SNTG1: variants seen among roughly 807,000 people sequenced by gnomAD.
SNTG1 encodes the protein syntrophin gamma 1, also known as gamma-1-syntrophin.
Under a neutral mutation model 74.7 loss-of-function variants are expected in SNTG1, and 39 were observed. The ratio of observed to expected loss-of-function variants is 0.52; its 90% CI spans 0.40 to 0.68. The LOEUF is 0.68. Among genes scored for constraint, SNTG1 ranks in the 30% least tolerant of loss-of-function variants. The probability of loss-of-function intolerance (pLI) is 0.00; values close to 1 mark genes in which losing one functional copy is unlikely to be tolerated. For synonymous variants in SNTG1, 254 were observed against 217.1 expected (o/e 1.17, Z -1.49); for missense variants, 685 against 609.5 (o/e 1.12, Z -1.30).
chr8:50,389,523 A>G (rs139941860), intron 2 of SNTG1, among the ~76,000 whole-genome samples: 49 of 152,298 alleles, frequency 3.2e-4, no homozygotes, highest in African/African-American at 1.2e-3. Context: ...TTGCTATTGT[A>G]AATAATGCCA....
intron 2 of SNTG1, among the ~76,000 whole-genome samples, chr8:50,312,533 C>T (rs2090154822): frequency 6.8e-6 from 1 of 146,072 alleles, no homozygotes; most frequent in African/African-American, 2.7e-5. Context: ...CTTCAGCTGC[C>T]TCAAGGAGGA....
intron 13 of SNTG1, among the ~76,000 whole-genome samples, chr8:50,655,421 A>T (rs1025977804): frequency 7.2e-5 from 11 of 152,216 alleles, no homozygotes; most frequent in African/African-American, 2.4e-5. Context: ...TGTTATTATT[A>T]ACCAGTGAAG....
intron 1 of SNTG1, among the ~76,000 whole-genome samples, chr8:50,089,486 A>C (rs2079629940): frequency 6.6e-6 from 1 of 151,922 alleles, no homozygotes; most frequent in Admixed American, 6.6e-5. Flanking sequence ...AAAATGGGAG[A>C]AAATTTTTGC....
At chr8:50,375,414 C>T (rs1385879026) in intron 2 of SNTG1, among the ~76,000 whole-genome samples, 2 of 151,520 alleles carry the variant, frequency 1.3e-5, no homozygotes, top group African/African-American at 2.4e-5. Context: ...TACAGAGGAG[C>T]CAAGCAGAAG....
chr8:50,563,691 T>A (rs1276855278), intron 12 of SNTG1, among the ~76,000 whole-genome samples: 1 of 152,184 alleles, frequency 6.6e-6, no homozygotes, highest in Non-Finnish European at 1.5e-5. Flanking sequence ...AGCACATATC[T>A]AGTTGCAAAT....
chr8:50,486,198 A>T (rs1389002968), intron 8 of SNTG1, among the ~76,000 whole-genome samples: 1 of 150,960 alleles, frequency 6.6e-6, no homozygotes, highest in Admixed American at 6.6e-5. Context: ...AGTCATTGGT[A>T]GCTTGATGGG....
intron 8 of SNTG1, among the ~76,000 whole-genome samples, chr8:50,454,050 T>C (rs1257368636): frequency 6.6e-6 from 1 of 152,204 alleles, no homozygotes; most frequent in African/African-American, 2.4e-5. Context: ...CCAAAGCCCA[T>C]CAAGGAAAAT....
intron 4 of SNTG1, among the ~76,000 whole-genome samples, chr8:50,427,342 G>A (rs1238646843): frequency 6.6e-6 from 1 of 152,082 alleles, no homozygotes; most frequent in Non-Finnish European, 1.5e-5. Context: ...TTTACAAATG[G>A]TATGAATCTG....
intron 2 of SNTG1, among the ~76,000 whole-genome samples, chr8:50,378,282 C>G (rs1297289875): frequency 1.3e-5 from 2 of 152,210 alleles, no homozygotes; most frequent in Non-Finnish European, 2.9e-5. Context: ...TTGCAGAACA[C>G]AGTGGCACCC....
At position 49,948,070 on chromosome 8, in the gene SNTG1, G is replaced by A. The variant is rs566898352; in HGVS notation, c.-103+35839G>A. Among the ~76,000 whole-genome samples, 6 of 152,210 alleles carry A rather than the reference G, an allele frequency of 3.9e-5. No individual in the cohort carries two copies. The South Asian group carries it at 1.2e-3, about 32-fold the overall frequency. ...TGCTTGAGCCTGGGAAGCAGAGGTT[G>A]CAGTGAGCTGAGATCTTGCCACTGC... On this transcript the variant is annotated intron_variant, in intron 1 of 18. Transcript: ENST00000642720.
At chr8:50,003,147 A>G (rs974538337) in intron 1 of SNTG1, among the ~76,000 whole-genome samples, 9 of 152,150 alleles carry the variant, frequency 5.9e-5, no homozygotes, top group African/African-American at 1.9e-4. Flanking sequence ...TGGGGTGATA[A>G]AAATGTTCTG....
chr8:50,573,040 A>T (rs1046331314), intron 12 of SNTG1, among the ~76,000 whole-genome samples: 1 of 152,124 alleles, frequency 6.6e-6, no homozygotes, highest in Non-Finnish European at 1.5e-5. Context: ...GCTGGAAATT[A>T]AAAAATTGGT....
intron 8 of SNTG1, among the ~76,000 whole-genome samples, chr8:50,484,141 T>TTTCTTTCTTTCC (rs1554542598): frequency 2.3e-4 from 21 of 92,852 alleles, no homozygotes; most frequent in Admixed American, 7.6e-4. Context: ...TCTTTCCTTC[T>TTTCTTTCTTTCC]TTCTTTCTTT....
At chr8:50,484,834 G>A (rs1390764934) in intron 8 of SNTG1, among the ~76,000 whole-genome samples, 4 of 151,096 alleles carry the variant, frequency 2.6e-5, no homozygotes, top group Non-Finnish European at 5.9e-5. Context: ...ACTCCAACCT[G>A]GGCAACAAGA....
At chr8:50,110,373 C>G (rs146194922) in intron 1 of SNTG1, among the ~76,000 whole-genome samples, 1 of 152,256 alleles carries the variant, frequency 6.6e-6, no homozygotes, top group African/African-American at 2.4e-5. Context: ...TCAGCCTACT[C>G]TAACACAGGT....
At chr8:50,000,856 G>C (rs1029543567) in intron 1 of SNTG1, among the ~76,000 whole-genome samples, 2 of 152,130 alleles carry the variant, frequency 1.3e-5, no homozygotes, top group African/African-American at 4.8e-5. Flanking sequence ...GTTTATTTTA[G>C]GAGAACAAGT....
chr8:50,606,847 T>C (rs1366876063), intron 13 of SNTG1, among the ~76,000 whole-genome samples: 1 of 151,904 alleles, frequency 6.6e-6, no homozygotes, highest in Non-Finnish European at 1.5e-5. Flanking sequence ...ATGCCTTTTT[T>C]TTATTTCTAT....
At chr8:49,982,742 T>A (rs1812799435) in intron 1 of SNTG1, among the ~76,000 whole-genome samples, 1 of 151,962 alleles carries the variant, frequency 6.6e-6, no homozygotes, top group African/African-American at 2.4e-5. Flanking sequence ...CTTAACCTAG[T>A]ATAGTTTAGA....
intron 13 of SNTG1, among the ~76,000 whole-genome samples, chr8:50,604,277 G>A (rs1380421553): frequency 6.6e-6 from 1 of 152,058 alleles, no homozygotes; most frequent in Non-Finnish European, 1.5e-5. Context: ...AATTAGCTGG[G>A]CATGATGGCA....
Sources: gnomAD v4.1 joint callset for allele counts (sites outside exome capture counted in the v4.1 genomes callset) on GRCh38, gnomAD v4.1.1 for gene constraint, MANE v1.5 for transcripts, NCBI Gene and HGNC (gene_info 2026-07-23, HGNC 2026-07-21) for gene names.